The following PLGRKT variants were observed in gnomAD, a reference collection of about 807,000 sequenced individuals.
PLGRKT encodes plasminogen receptor with a C-terminal lysine, also known as plasminogen receptor (KT).
In PLGRKT, 22 loss-of-function variants were observed where a neutral mutation model predicts 18.5. That is an observed-to-expected ratio of 1.19 (90% CI 0.85 to 1.70). The LOEUF (loss-of-function observed/expected upper bound fraction) is 1.70, where lower values mean the gene tolerates loss of function less well. Ranked by LOEUF, PLGRKT falls within the 40% of genes most tolerant of loss-of-function variation. The probability of loss-of-function intolerance (pLI) is 0.00; values close to 1 mark genes in which losing one functional copy is unlikely to be tolerated. For missense variants in PLGRKT, 235 were observed against 174.4 expected (o/e 1.35, Z -1.96); for synonymous variants, 72 against 52.8 (o/e 1.36, Z -1.58).
At position 5,378,868 on chromosome 9, in the gene PLGRKT, A is replaced by C. The variant is rs1321481914; in HGVS notation, c.82-16980T>G. Among the ~76,000 whole-genome samples the C allele has an allele frequency of 2.6e-5, 4 of 152,300 alleles. No homozygotes were observed. In the East Asian group the frequency reaches 7.7e-4, roughly 29 times the overall value. On this transcript the variant is annotated intron_variant, in intron 3 of 5. Transcript: ENST00000223864. The stretch of plus-strand genomic sequence containing the variant: ...TTAAGGATTAAGCAATTAAATCAAC[A>C]AGCTTAATATGTGTGTATCTGTATA...
At chr9:5,432,514 T>G (rs533247417) in intron 2 of PLGRKT, among the ~76,000 whole-genome samples, 1 of 120,906 alleles carries the variant, frequency 8.3e-6, no homozygotes, top group Admixed American at 9.6e-5. Flanking sequence ...TCCCCCTCCC[T>G]CTTTCTACGG....
chr9:5,382,279 G>C (rs1011160302), intron 3 of PLGRKT, among the ~76,000 whole-genome samples: 9 of 152,158 alleles, frequency 5.9e-5, no homozygotes, highest in African/African-American at 1.7e-4. Flanking sequence ...TTTCAATGTT[G>C]GTCATCACAG....
rs1340918750 is a variant in PLGRKT, at chr9:5,418,674, C to T, written c.81+13223G>A. 1 of 670,524 alleles carries T rather than the reference C, an allele frequency of 1.5e-6. No individual in the cohort carries two copies. Among genetic ancestry groups the T allele is most frequent in the Non-Finnish European group, 2.8e-6 (1 of 358,838 alleles). The allele number at this position is 670,524 out of a possible 1,614,324, so 41.5% of individuals were successfully genotyped here. On this transcript the variant is annotated intron_variant, in intron 3 of 5. Transcript: ENST00000223864. The surrounding 1 kb of genome is among the most constrained non-coding windows in gnomAD (Gnocchi z 4.2). ...CGTGCTCCTTGGAGATGGGCAGGGGCAGCATGTAGCACCCACTGCCGGGAA... is the reference window on the plus strand; with the variant it reads ...CGTGCTCCTTGGAGATGGGCAGGGGTAGCATGTAGCACCCACTGCCGGGAA...
chr9:5,379,162 C>T (rs983303943), intron 3 of PLGRKT, among the ~76,000 whole-genome samples: 5 of 152,054 alleles, frequency 3.3e-5, no homozygotes, highest in Admixed American at 6.5e-5. Flanking sequence ...ACAAACATTA[C>T]AGATTTTCTA....
intron 3 of PLGRKT, among the ~76,000 whole-genome samples, chr9:5,401,289 C>T (rs941708668): frequency 5.1e-5 from 7 of 137,884 alleles, no homozygotes; most frequent in Middle Eastern, 3.7e-3. Context: ...AAATATAGGA[C>T]GGGCTAGAAA....
chr9:5,385,783 T>G (rs10975086), intron 3 of PLGRKT, among the ~76,000 whole-genome samples: 39,609 of 151,674 alleles, frequency 0.26, 5,778 homozygotes, highest in African/African-American at 0.35. Context: ...CTGTATGCCT[T>G]TCGAGCAAAG....
At chr9:5,420,476 CGGCAGGTAGT>C (rs1351864582) in intron 3 of PLGRKT, among the ~76,000 whole-genome samples, 1 of 152,056 alleles carries the variant, frequency 6.6e-6, no homozygotes, top group African/African-American at 2.4e-5. Context: ...GGGGAGACTA[CGGCAGGTAGT>C]GGGGACAGGA....
intron 3 of PLGRKT, among the ~76,000 whole-genome samples, chr9:5,376,971 T>G (rs986646584): frequency 2.6e-5 from 4 of 152,234 alleles, no homozygotes; most frequent in Non-Finnish European, 5.9e-5. Context: ...TATTAACTAT[T>G]CAAAAATTTA....
chr9:5,426,439 G>A (rs1199067273), intron 3 of PLGRKT, among the ~76,000 whole-genome samples: 5 of 152,190 alleles, frequency 3.3e-5, no homozygotes, highest in African/African-American at 4.8e-5. Flanking sequence ...CCAATCTTCC[G>A]AAACTATTGT....
At chr9:5,363,960 C>T (rs1817325415) in intron 3 of PLGRKT, among the ~76,000 whole-genome samples, 1 of 152,202 alleles carries the variant, frequency 6.6e-6, no homozygotes, top group South Asian at 2.1e-4. Context: ...ATCCTTGCCA[C>T]ATTACTTATT....
At chr9:5,399,636 T>C (rs964166706) in intron 3 of PLGRKT, among the ~76,000 whole-genome samples, 1 of 151,874 alleles carries the variant, frequency 6.6e-6, no homozygotes, top group African/African-American at 2.4e-5. Flanking sequence ...CTTGTAAGTA[T>C]ACTAATGTCT....
At chr9:5,405,622 G>A (rs963971995) in intron 3 of PLGRKT, among the ~76,000 whole-genome samples, 1 of 152,156 alleles carries the variant, frequency 6.6e-6, no homozygotes, top group Non-Finnish European at 1.5e-5. Flanking sequence ...ATGGATTAAA[G>A]ACTTAAATGT....
intron 3 of PLGRKT, among the ~76,000 whole-genome samples, chr9:5,384,347 T>G (rs1817802296): frequency 6.6e-6 from 1 of 152,198 alleles, no homozygotes; most frequent in African/African-American, 2.4e-5. Context: ...AAAATTATCT[T>G]TATGAAATTT....
chr9:5,411,364 G>A (rs1474317229), intron 3 of PLGRKT, among the ~76,000 whole-genome samples: 2 of 141,062 alleles, frequency 1.4e-5, no homozygotes, highest in Non-Finnish European at 3.0e-5. Context: ...CAGCCTGGGA[G>A]ACAGAGCAAG....
chr9:5,358,501 G>A, intron 5 of PLGRKT, 141 bp from the exon 6 acceptor site: 1 of 610,108 alleles, frequency 1.6e-6, no homozygotes, highest in Non-Finnish European at 2.8e-6. Context: ...TTTTCCTCAG[G>A]AGAAGTAATA....
At chr9:5,406,256 TG>T (rs1818255184) in intron 3 of PLGRKT, among the ~76,000 whole-genome samples, 1 of 152,234 alleles carries the variant, frequency 6.6e-6, no homozygotes, top group Admixed American at 6.5e-5. Flanking sequence ...ATCCCATTAC[TG>T]GGTATATACC....
Position 5,418,665 on chromosome 9 carries a change from G to C in PLGRKT, c.81+13232C>G. 1 of 676,470 alleles carries C rather than the reference G, an allele frequency of 1.5e-6. No individual in the cohort carries two copies. The allele number at this position is 676,470 out of a possible 1,614,324, so 41.9% of individuals were successfully genotyped here. The stretch of plus-strand genomic sequence containing the variant: ...GCAGCAGCGCGTGCTCCTTGGAGAT[G>C]GGCAGGGGCAGCATGTAGCACCCAC... On this transcript the variant is annotated intron_variant, in intron 3 of 5. Coordinates refer to ENST00000223864, the MANE Select transcript of PLGRKT (RefSeq NM_018465.4). This position sits in a 1 kb window ranked among gnomAD's most constrained non-coding sequence, Gnocchi z 4.2.
At chr9:5,400,295 C>G (rs984875783) in intron 3 of PLGRKT, among the ~76,000 whole-genome samples, 1 of 151,814 alleles carries the variant, frequency 6.6e-6, no homozygotes, top group African/African-American at 2.4e-5. Flanking sequence ...AAAATTCCCT[C>G]AAAACATATG....
Position 5,358,094 on chromosome 9 carries a change from T to C in PLGRKT, c.*145A>G. 1.7e-6 allele frequency: 1 copy of C among 572,252 alleles called. No individual in the cohort carries two copies. The highest frequency in any genetic ancestry group is 2.9e-6 in the Non-Finnish European group (1 of 347,016). The allele number at this position is 572,252 out of a possible 1,614,324, so 35.4% of individuals were successfully genotyped here. ...TTTGTGTTGAATGTTATAAATTTTA[T>C]TTTAAAATAGCTCAAAACTATCTTG... is the stretch of plus-strand genomic sequence containing the variant. On this transcript the variant is annotated 3_prime_UTR_variant, in exon 6 of 6. Transcript: ENST00000223864.
Sources: gnomAD v4.1 joint callset for allele counts (sites outside exome capture counted in the v4.1 genomes callset) on GRCh38, gnomAD v4.1.1 for gene constraint, Gnocchi (gnomAD v3.1) non-coding constraint, MANE v1.5 for transcripts, NCBI Gene and HGNC (gene_info 2026-07-23, HGNC 2026-07-21) for gene names.